The following NPAS3 variants were observed in gnomAD, a reference collection of about 807,000 sequenced individuals.
The protein encoded by NPAS3 is neuronal PAS domain protein 3.
In NPAS3, 14 loss-of-function variants were observed where a neutral mutation model predicts 73.1. The observed-to-expected ratio is 0.19, with a 90% confidence interval of 0.13 to 0.30. The LOEUF (loss-of-function observed/expected upper bound fraction) is 0.30. Among genes scored for constraint, NPAS3 ranks in the 10% least tolerant of loss-of-function variants. NPAS3 has a pLI of 1.00. For missense variants in NPAS3, 1,096 were observed against 1,250.0 expected (o/e 0.88, Z 1.86); for synonymous variants, 620 against 541.5 (o/e 1.14, Z -2.01).
intron 4 of NPAS3, among the ~76,000 whole-genome samples, chr14:33,438,608 T>TA (rs2049096551): frequency 6.6e-6 from 1 of 152,180 alleles, no homozygotes; most frequent in African/African-American, 2.4e-5. Context: ...CTTGTGTTAT[T>TA]AATGGCTCAG....
At chr14:33,061,833 C>T (rs1318768333) in intron 2 of NPAS3, among the ~76,000 whole-genome samples, 1 of 152,068 alleles carries the variant, frequency 6.6e-6, no homozygotes. Context: ...AGCGGTGCCT[C>T]AGGAGAAATA....
At chr14:33,597,664 G>T (rs147357679) in intron 5 of NPAS3, among the ~76,000 whole-genome samples, 1 of 152,216 alleles carries the variant, frequency 6.6e-6, no homozygotes, top group Non-Finnish European at 1.5e-5. Flanking sequence ...GCAGTTACTC[G>T]AGAGTGGGAA....
intron 1 of NPAS3, among the ~76,000 whole-genome samples, chr14:32,948,732 C>G (rs146264141): frequency 6.6e-6 from 1 of 152,100 alleles, no homozygotes; most frequent in African/African-American, 2.4e-5. Context: ...TTAACTGCAA[C>G]CTTTGTTTTA....
chr14:33,189,772 G>A (rs1362346441), intron 2 of NPAS3, among the ~76,000 whole-genome samples: 1 of 151,902 alleles, frequency 6.6e-6, no homozygotes, highest in African/African-American at 2.4e-5. Context: ...TACTTGGAGG[G>A]GTATTATAAA....
intron 3 of NPAS3, among the ~76,000 whole-genome samples, chr14:33,229,911 T>C (rs1254116421): frequency 1.3e-5 from 2 of 152,230 alleles, no homozygotes; most frequent in African/African-American, 4.8e-5. Flanking sequence ...GATCATTCAT[T>C]TTAAGCATTT....
intron 4 of NPAS3, among the ~76,000 whole-genome samples, chr14:33,542,879 C>T (rs978620326): frequency 6.6e-6 from 1 of 152,202 alleles, no homozygotes; most frequent in South Asian, 2.1e-4. Context: ...AGGCAGCCAG[C>T]AGCCTTGAAG....
intron 3 of NPAS3, among the ~76,000 whole-genome samples, chr14:33,298,825 A>C (rs1406747142): frequency 6.6e-6 from 1 of 152,190 alleles, no homozygotes; most frequent in Non-Finnish European, 1.5e-5. Context: ...AACTAAACAG[A>C]ATATCTGGAA....
chr14:33,584,957 G>A (rs2056810770), intron 5 of NPAS3, among the ~76,000 whole-genome samples: 2 of 152,158 alleles, frequency 1.3e-5, no homozygotes, highest in Admixed American at 1.3e-4. Context: ...GTAAATGAAT[G>A]GGGGAATGTG....
At chr14:33,010,478 T>G (rs1449456016) in intron 1 of NPAS3, among the ~76,000 whole-genome samples, 1 of 152,232 alleles carries the variant, frequency 6.6e-6, no homozygotes, top group Non-Finnish European at 1.5e-5. Context: ...AAGCTGTCAC[T>G]TAATGTCATT....
intron 4 of NPAS3, among the ~76,000 whole-genome samples, chr14:33,394,705 A>G (rs1426992563): frequency 1.3e-5 from 2 of 152,220 alleles, no homozygotes; most frequent in African/African-American, 4.8e-5. Context: ...CAAAAGAAAT[A>G]TAACAATTAG....
At chr14:33,197,254 TGTGTGTGTGTGTG>T (rs2046394867) in intron 2 of NPAS3, among the ~76,000 whole-genome samples, 1 of 148,568 alleles carries the variant, frequency 6.7e-6, no homozygotes, top group Non-Finnish European at 1.5e-5. Flanking sequence ...TGTGTGTGTG[TGTGTGTGTGTGTG>T]TTCTTTTTCA....
chr14:33,537,732 G>A (rs567243999), intron 4 of NPAS3, among the ~76,000 whole-genome samples: 1 of 152,306 alleles, frequency 6.6e-6, no homozygotes, highest in East Asian at 1.9e-4. Flanking sequence ...CTGGTGCTGG[G>A]AGAGTAGGGA....
At chr14:33,054,536 C>T (rs1324289736) in intron 1 of NPAS3, among the ~76,000 whole-genome samples, 2 of 151,524 alleles carry the variant, frequency 1.3e-5, no homozygotes, top group East Asian at 3.9e-4. Context: ...AGTATTGTCA[C>T]TTAATATGTT....
chr14:33,195,353 C>T (rs2046315613), intron 2 of NPAS3, among the ~76,000 whole-genome samples: 2 of 152,098 alleles, frequency 1.3e-5, no homozygotes, highest in African/African-American at 2.4e-5. Context: ...TCACTGCAAC[C>T]TCCACCTCCT....
chr14:33,133,782 C>G (rs1254414611), intron 2 of NPAS3, among the ~76,000 whole-genome samples: 1 of 152,012 alleles, frequency 6.6e-6, no homozygotes, highest in Non-Finnish European at 1.5e-5. Flanking sequence ...GGTTTACAAG[C>G]TTTAAAGCTG....
chr14:33,048,358 A>T (rs2040582651), intron 1 of NPAS3, among the ~76,000 whole-genome samples: 1 of 152,216 alleles, frequency 6.6e-6, no homozygotes, highest in African/African-American at 2.4e-5. Context: ...GTAGGGATCC[A>T]CTTACTACGG....
At chr14:33,668,693 C>A (rs955619597) in intron 5 of NPAS3, among the ~76,000 whole-genome samples, 2 of 152,138 alleles carry the variant, frequency 1.3e-5, no homozygotes, top group African/African-American at 4.8e-5. Flanking sequence ...TGGCTCAATA[C>A]CTATAATCCC....
At chr14:33,629,738 G>A (rs1480076069) in intron 5 of NPAS3, among the ~76,000 whole-genome samples, 1 of 150,530 alleles carries the variant, frequency 6.6e-6, no homozygotes, top group Non-Finnish European at 1.5e-5. Context: ...ACAGCCATTT[G>A]TTTTTCTATT....
intron 9 of NPAS3, among the ~76,000 whole-genome samples, chr14:33,782,802 T>G (rs537406809): frequency 6.9e-6 from 1 of 144,712 alleles, no homozygotes; most frequent in Non-Finnish European, 1.6e-5. Context: ...CTATCCAACA[T>G]ACTTGGGGGT....
Sources: gnomAD v4.1 joint callset for allele counts (sites outside exome capture counted in the v4.1 genomes callset) on GRCh38, gnomAD v4.1.1 for gene constraint, MANE v1.5 for transcripts, NCBI Gene and HGNC (gene_info 2026-07-23, HGNC 2026-07-21) for gene names.